Variants in HIPK3 observed in about 807,000 individuals in gnomAD.
HIPK3 encodes the protein homeodomain interacting protein kinase 3, also known as homeodomain-interacting protein kinase 3.
Under a neutral mutation model 124.2 loss-of-function variants are expected in HIPK3, and 47 were observed. That is an observed-to-expected ratio of 0.38 (90% CI 0.30 to 0.48). The LOEUF is 0.48. Among genes scored for constraint, HIPK3 ranks in the 20% least tolerant of loss-of-function variants. The pLI, the probability that HIPK3 is intolerant of heterozygous loss-of-function variation, is 0.98. For synonymous variants in HIPK3, 482 were observed against 515.2 expected, an observed-to-expected ratio of 0.94 and a Z score of 0.87; for missense variants, 1,286 against 1,454.3, an observed-to-expected ratio of 0.88 and a Z score of 1.88.
At chr11:33,270,927 A>T (rs1260854267) in intron 1 of HIPK3, among the ~76,000 whole-genome samples, 1 of 152,256 alleles carries the variant, frequency 6.6e-6, no homozygotes, top group East Asian at 1.9e-4. Flanking sequence ...CTTTTCCCTG[A>T]ATATTTTGTA....
rs573350879 is a variant in HIPK3, at chr11:33,287,163, C to G, written c.749C>G (p.Thr250Ser). The G allele has an allele frequency of 1.2e-6, 2 of 1,614,062 alleles. No homozygotes were observed. Among genetic ancestry groups the G allele is most frequent in the Non-Finnish European group, 8.5e-7 (1 of 1,180,032 alleles). The change falls in exon 2 of 17, where the codon ACT becomes AGT. Residue 250 changes from threonine (T) to serine (S), a missense_variant. Coordinates refer to ENST00000303296, the MANE Select transcript of HIPK3 (RefSeq NM_005734.5). ...IEVSILARLS[T>S]ENADEYNFVR... ...GTGAGCATATTAGCAAGGCTCAGTA[C>G]TGAAAATGCTGATGAATATAACTTT...
chr11:33,259,659 G>GATTT (rs199721778), intron 1 of HIPK3, among the ~76,000 whole-genome samples: 1,562 of 151,696 alleles, frequency 0.01, 8 homozygotes, highest in Non-Finnish European at 0.015. Flanking sequence ...ACCTGTTTGA[G>GATTT]ATTTTTCTTT....
At chr11:33,293,432 T>TAG (rs1851753669) in intron 2 of HIPK3, among the ~76,000 whole-genome samples, 1 of 152,114 alleles carries the variant, frequency 6.6e-6, no homozygotes, top group Non-Finnish European at 1.5e-5. Flanking sequence ...AGTCTGCCCA[T>TAG]CACCCCCAGC....
intron 1 of HIPK3, among the ~76,000 whole-genome samples, chr11:33,265,887 C>A (rs901218827): frequency 6.6e-6 from 1 of 150,480 alleles, no homozygotes; most frequent in Non-Finnish European, 1.5e-5. Context: ...AGGTCGAGAC[C>A]ATCCTGGCTA....
intron 2 of HIPK3, among the ~76,000 whole-genome samples, chr11:33,320,746 C>T (rs1590398056): frequency 1.3e-5 from 2 of 152,092 alleles, no homozygotes; most frequent in African/African-American, 4.8e-5. Flanking sequence ...ACTGAAAGGA[C>T]AGAATTGTCG....
intron 2 of HIPK3, among the ~76,000 whole-genome samples, chr11:33,323,083 G>A (rs184623144): frequency 3.9e-5 from 6 of 152,200 alleles, no homozygotes; most frequent in Admixed American, 1.3e-4. Context: ...TCCATTACCC[G>A]ATGAATGGAT....
chr11:33,288,027 T>TA (rs1488105301), intron 2 of HIPK3, among the ~76,000 whole-genome samples: 1 of 152,176 alleles, frequency 6.6e-6, no homozygotes, highest in Non-Finnish European at 1.5e-5. Context: ...GCCAACTAGT[T>TA]AAGCACCCCC....
chr11:33,284,050 C>G (rs1851482743), intron 1 of HIPK3, among the ~76,000 whole-genome samples: 1 of 152,172 alleles, frequency 6.6e-6, no homozygotes, highest in Non-Finnish European at 1.5e-5. Context: ...AAGTGTTAAA[C>G]TGTTGCATAG....
In HIPK3 at chr11:33,353,272, C is replaced by T. The variant is rs186297123; in HGVS notation, c.3352C>T (p.Leu1118=). 3 of 1,614,188 alleles carry T rather than the reference C, an allele frequency of 1.9e-6. No individual in the cohort carries two copies. The highest frequency in any genetic ancestry group is 2.5e-6 in the Non-Finnish European group (3 of 1,180,032). The change falls in exon 17 of 17, where the codon CTA becomes TTA. Residue 1118 remains leucine (L), a synonymous_variant. Coordinates refer to ENST00000303296, the MANE Select transcript of HIPK3 (RefSeq NM_005734.5). The part of the protein sequence containing the change: ...GNTHLGGQPT[L]LPYPSSATLS... ...TACACACCTCGGAGGACAGCCTACT[C>T]TACTTCCATACCCATCATCAGCCAC... is the stretch of plus-strand genomic sequence containing the variant.
intron 1 of HIPK3, among the ~76,000 whole-genome samples, chr11:33,267,508 T>A (rs1382393795): frequency 5.9e-5 from 9 of 151,420 alleles, no homozygotes; most frequent in African/African-American, 9.7e-5. Flanking sequence ...TATTATTTTT[T>A]TTTTTGAGAC....
intron 1 of HIPK3, among the ~76,000 whole-genome samples, chr11:33,270,392 TC>T (rs1851092495): frequency 1.3e-5 from 2 of 151,966 alleles, no homozygotes; most frequent in South Asian, 4.2e-4. Context: ...CACTGCAACT[TC>T]CGCCTCCTGG....
chr11:33,307,012 C>T (rs1487598520), intron 2 of HIPK3, among the ~76,000 whole-genome samples: 1 of 149,906 alleles, frequency 6.7e-6, no homozygotes, highest in Non-Finnish European at 1.5e-5. Flanking sequence ...GAACTCAGCT[C>T]GCTGCAACCT....
In HIPK3 at chr11:33,287,302, A is replaced by G; in HGVS notation, c.888A>G (p.Leu296=). The change falls in exon 2 of 17, where the codon CTA becomes CTG. Residue 296 remains leucine (L), a synonymous_variant. Coordinates refer to ENST00000303296, the MANE Select transcript of HIPK3 (RefSeq NM_005734.5). ...LKQNKFSPLP[L]KVIRPILQQV... Reference sequence around the variant, plus strand: ...AAAATAAATTTAGTCCCCTGCCACTAAAAGTGATTCGGCCCATTCTTCAAC... The same window carrying G: ...AAAATAAATTTAGTCCCCTGCCACTGAAAGTGATTCGGCCCATTCTTCAAC... The G allele has an allele frequency of 1.2e-6, 2 of 1,614,170 alleles. No individual in the cohort carries two copies. Among genetic ancestry groups the G allele is most frequent in the Non-Finnish European group, 1.7e-6 (2 of 1,180,012 alleles).
chr11:33,262,329 A>G (rs1278153542), intron 1 of HIPK3, among the ~76,000 whole-genome samples: 1 of 152,234 alleles, frequency 6.6e-6, no homozygotes, highest in African/African-American at 2.4e-5. Flanking sequence ...AGTCACTTGT[A>G]GGACAAAGAT....
chr11:33,274,891 A>T (rs1280368271), intron 1 of HIPK3, among the ~76,000 whole-genome samples: 2 of 152,208 alleles, frequency 1.3e-5, no homozygotes, highest in African/African-American at 4.8e-5. Context: ...TAGTCAACAC[A>T]TTCTCTAGAT....
chr11:33,272,768 C>CCCACCCTT (rs1851163428), intron 1 of HIPK3, among the ~76,000 whole-genome samples: 1 of 75,430 alleles, frequency 1.3e-5, no homozygotes, highest in African/African-American at 5.2e-5. Context: ...CTCCCTCCCT[C>CCCACCCTT]CCTCCTCCCT....
chr11:33,325,730 C>A (rs1565086647), intron 2 of HIPK3, among the ~76,000 whole-genome samples: 1 of 152,080 alleles, frequency 6.6e-6, no homozygotes, highest in Non-Finnish European at 1.5e-5. Flanking sequence ...GTTCTAGGTA[C>A]ACAAATAATG....
intron 2 of HIPK3, among the ~76,000 whole-genome samples, chr11:33,310,273 T>G (rs1396481419): frequency 1.8e-5 from 1 of 57,130 alleles, no homozygotes; most frequent in Admixed American, 1.8e-4. Context: ...TCTGTCTGTC[T>G]GTCTATCTTA....
intron 2 of HIPK3, among the ~76,000 whole-genome samples, chr11:33,292,083 T>C (rs1851713663): frequency 6.6e-6 from 1 of 152,224 alleles, no homozygotes; most frequent in Non-Finnish European, 1.5e-5. Flanking sequence ...CATAGGGTAC[T>C]TTATGATGAA....
Sources: gnomAD v4.1 joint callset for allele counts (sites outside exome capture counted in the v4.1 genomes callset) on GRCh38, gnomAD v4.1.1 for gene constraint, MANE v1.5 for transcripts, NCBI Gene and HGNC (gene_info 2026-07-23, HGNC 2026-07-21) for gene names.